Variants in CLEC4A observed in about 807,000 individuals in gnomAD.
CLEC4A encodes the protein C-type (calcium dependent, carbohydrate-recognition domain) lectin, superfamily member 6.
A neutral mutation model predicts 32.7 loss-of-function variants in CLEC4A; 27 were observed. That is an observed-to-expected ratio of 0.83 (90% confidence interval 0.61 to 1.14). The LOEUF (loss-of-function observed/expected upper bound fraction) is 1.14, where lower values mean the gene tolerates loss of function less well. CLEC4A is among the 50% of genes most tolerant of loss of function. The pLI, the probability that CLEC4A is intolerant of heterozygous loss-of-function variation, is 0.00. For synonymous variants in CLEC4A, 89 were observed against 93.7 expected (o/e 0.95, Z 0.29); for missense variants, 253 against 274.6 (o/e 0.92, Z 0.55).
chr12:8,135,479 A>G, intron 3 of CLEC4A, 106 bp from the exon 4 acceptor site: 1 of 1,145,300 alleles, frequency 8.7e-7, no homozygotes, highest in South Asian at 1.7e-5. Context: ...TGTGGAGGGG[A>G]GTTCCAGCTT....
chr12:8,123,292 A>C (rs1947849364), upstream of CLEC4A, among the ~76,000 whole-genome samples: 1 of 152,198 alleles, frequency 6.6e-6, no homozygotes, highest in Admixed American at 6.5e-5. Flanking sequence ...CATGGGGTTT[A>C]AACTTTGCCA....
intron 3 of CLEC4A, chr12:8,134,994 TTAATCA>T (rs1565406372): frequency 1.1e-4 from 27 of 243,512 alleles, no homozygotes; most frequent in African/African-American, 1.9e-4. Flanking sequence ...TTGTTTTTTT[TTAATCA>T]TGGCTGCTTT....
the CLEC4A span, among the ~76,000 whole-genome samples, chr12:8,108,377 G>A: frequency 6.6e-6 from 1 of 152,150 alleles, no homozygotes; most frequent in African/African-American, 2.4e-5. Flanking sequence ...TTAATTATAA[G>A]TGGCTAAAAT....
intron 2 of CLEC4A, among the ~76,000 whole-genome samples, chr12:8,126,791 G>A (rs1191160620): frequency 1.3e-5 from 2 of 152,180 alleles, no homozygotes; most frequent in Non-Finnish European, 2.9e-5. Flanking sequence ...GTGACATCTA[G>A]AGCTGTGTGT....
At chr12:8,111,717 A>G in the CLEC4A span, among the ~76,000 whole-genome samples, 1 of 152,164 alleles carries the variant, frequency 6.6e-6, no homozygotes, top group Admixed American at 6.5e-5. Context: ...GTCCTTGTTG[A>G]TAGTAACATT....
Position 8,137,018 on chromosome 12 carries a change from T to C in CLEC4A, c.566+115T>C. On this transcript the variant is annotated intron_variant, in intron 5 of 5. Transcript: ENST00000229332. ...GCTCACTCTTCTTTTAGCTCTTGGG[T>C]ACTAGGTTAAATAATTTCATTATCT... 6.7e-6 allele frequency: 4 copies of C among 600,780 alleles called. No homozygotes were observed. The South Asian group carries it at 8.7e-5, about 13-fold the overall frequency. 37.2% of individuals were successfully genotyped at this position (600,780 alleles called of 1,614,324 possible).
At chr12:8,130,699 C>T (rs1027101916) in intron 3 of CLEC4A, among the ~76,000 whole-genome samples, 5 of 152,062 alleles carry the variant, frequency 3.3e-5, no homozygotes, top group African/African-American at 9.7e-5. Flanking sequence ...TTTTTAAGAA[C>T]AGTTTTATAT....
In CLEC4A at chr12:8,138,163, G is replaced by C; in HGVS notation, c.590G>C (p.Ser197Thr). Residue 197 changes from serine to threonine, a missense_variant, in exon 6 of 6, where the codon AGT (serine) becomes ACT (threonine). Physicochemically the swap from Ser to Thr is moderately conservative, Grantham distance 58. Coordinates refer to ENST00000229332, the MANE Select transcript of CLEC4A (RefSeq NM_016184.4). Reference sequence around the variant, plus strand: ...AGATTCTGGCATCCACGTGAGCCCAGTGATCCCAATGAGCGCTGCGTTGTG... The same window carrying C: ...AGATTCTGGCATCCACGTGAGCCCACTGATCCCAATGAGCGCTGCGTTGTG... ...SSTFWHPREP[S>T]DPNERCVVLN... 1 of 1,614,060 alleles carries C rather than the reference G, an allele frequency of 6.2e-7. No homozygotes were observed. Among genetic ancestry groups the C allele is most frequent in the Middle Eastern group, 1.6e-4 (1 of 6,062 alleles).
At position 8,134,975 on chromosome 12, in the gene CLEC4A, T is replaced by TTTTTTTTTTTTTGTTTG. The variant is rs1252899557; in HGVS notation, c.299-607_299-606insTTTTTTTTTGTTTGTTT. On this transcript the variant is annotated intron_variant, in intron 3 of 5. Transcript: ENST00000229332. Reference sequence around the variant, plus strand: ...TGTCTGTATCTTCTTGTTGAAGCGTTTTTGTTTTTTGTTTTTTTTTAATCA... The same window carrying TTTTTTTTTTTTTGTTTG: ...TGTCTGTATCTTCTTGTTGAAGCGTTTTTTTTTTTTTTGTTTGTTTGTTTTTTGTTTTTTTTTAATCA... 2.6e-5 allele frequency: 8 copies of TTTTTTTTTTTTTGTTTG among 304,618 alleles called. 1 individual carries two copies. The highest frequency in any genetic ancestry group is 1.7e-4 in the African/African-American group (6 of 36,198). 18.9% of individuals were successfully genotyped at this position (304,618 alleles called of 1,614,324 possible). A position where few individuals can be genotyped will look rare whatever the true frequency, so the allele number is the denominator to read the frequency against.
intron 2 of CLEC4A, 69 bp from the exon 3 acceptor site, chr12:8,129,195 G>T: frequency 1.0e-6 from 1 of 979,312 alleles, no homozygotes. Flanking sequence ...AAGAATGCAA[G>T]AAAGTAACGA....
At chr12:8,124,934 TTA>T (rs1565402592) in intron 1 of CLEC4A, among the ~76,000 whole-genome samples, 1 of 152,168 alleles carries the variant, frequency 6.6e-6, no homozygotes, top group Non-Finnish European at 1.5e-5. Flanking sequence ...TGTAATCATA[TTA>T]TATAATACTG....
chr12:8,112,319 A>G, the CLEC4A span, among the ~76,000 whole-genome samples: 2 of 152,066 alleles, frequency 1.3e-5, no homozygotes, highest in Non-Finnish European at 2.9e-5. Context: ...TGATCCCATC[A>G]CTCAGGTAGT....
At chr12:8,128,915 T>C (rs1014357107) in intron 2 of CLEC4A, among the ~76,000 whole-genome samples, 6 of 152,174 alleles carry the variant, frequency 3.9e-5, no homozygotes. Flanking sequence ...CCCTCTCCCA[T>C]CTGCTCCAAA....
chr12:8,103,373 GTTGTTTTTTTTTT>G, the CLEC4A span, among the ~76,000 whole-genome samples: 391 of 78,024 alleles, frequency 5.0e-3, 51 homozygotes, highest in African/African-American at 0.017. Context: ...GTTTCTTTCT[GTTGTTTTTTTTTT>G]TTTTTTTTTT....
At chr12:8,124,669 G>T (rs1448630811) in intron 1 of CLEC4A, among the ~76,000 whole-genome samples, 1 of 152,136 alleles carries the variant, frequency 6.6e-6, no homozygotes, top group Non-Finnish European at 1.5e-5. Context: ...AAGGGGTCAG[G>T]ACTATAGTTA....
the CLEC4A span, among the ~76,000 whole-genome samples, chr12:8,112,873 C>T: frequency 2.0e-5 from 3 of 152,228 alleles, no homozygotes; most frequent in African/African-American, 7.2e-5. Flanking sequence ...TACACAGAGG[C>T]CTGGGATTTT....
At chr12:8,134,162 T>C in intron 3 of CLEC4A, 1 of 1,608,760 alleles carries the variant, frequency 6.2e-7, no homozygotes, top group Non-Finnish European at 8.5e-7. Flanking sequence ...TCGCTTTCTC[T>C]TTCGGGCCTG....
intron 3 of CLEC4A, chr12:8,134,209 T>C: frequency 6.2e-7 from 1 of 1,611,358 alleles, no homozygotes; most frequent in Non-Finnish European, 8.5e-7. Context: ...CCTGAAGATT[T>C]TCATTGTTGT....
At chr12:8,111,366 C>T in the CLEC4A span, among the ~76,000 whole-genome samples, 4 of 151,072 alleles carry the variant, frequency 2.6e-5, no homozygotes, top group East Asian at 7.9e-4. Flanking sequence ...TTTTAGTGGA[C>T]ACAGGGTTTC....
Sources: allele counts gnomAD v4.1 joint callset (sites outside exome capture counted in the v4.1 genomes callset), GRCh38; gene constraint gnomAD v4.1.1; transcripts MANE v1.5; gene names NCBI Gene and HGNC (gene_info 2026-07-23, HGNC 2026-07-21).